Variants in UNC5C observed in about 807,000 individuals in gnomAD.
UNC5C encodes netrin receptor UNC5C.
Under a neutral mutation model 99.8 loss-of-function variants are expected in UNC5C, and 47 were observed. The ratio of observed to expected loss-of-function variants is 0.47; its 90% confidence interval spans 0.37 to 0.60. The LOEUF is 0.60. UNC5C is among the 20% of genes least tolerant of loss of function. The pLI is 0.00. For missense variants in UNC5C, 1,062 were observed against 1,165.9 expected, an observed-to-expected ratio of 0.91 and a Z score of 1.30; for synonymous variants, 487 against 452.2, an observed-to-expected ratio of 1.08 and a Z score of -0.98.
intron 3 of UNC5C, among the ~76,000 whole-genome samples, chr4:95,282,394 G>A (rs909911515): frequency 5.1e-4 from 78 of 152,264 alleles, no homozygotes; most frequent in African/African-American, 1.8e-3. Flanking sequence ...CAGGAAGTGG[G>A]GAAATGACCA....
At position 95,548,941 on chromosome 4, in the gene UNC5C, T is replaced by A; in HGVS notation, c.-84A>T. ...AAAGCCCCACTGGGCAGAAGCTGAA[T>A]CCGTGCACCGCGAAGCAGTCCGAAG... On this transcript the variant is annotated 5_prime_UTR_variant, in exon 1 of 16. Coordinates refer to ENST00000453304, the MANE Select transcript of UNC5C (RefSeq NM_003728.4). 6.5e-7 allele frequency: 1 copy of A among 1,543,354 alleles called. No individual in the cohort carries two copies. Among genetic ancestry groups the A allele is most frequent in the African/African-American group, 1.4e-5 (1 of 73,758 alleles).
At chr4:95,490,780 A>C (rs184297690) in intron 1 of UNC5C, among the ~76,000 whole-genome samples, 14 of 151,914 alleles carry the variant, frequency 9.2e-5, no homozygotes, top group Admixed American at 2.0e-4. Flanking sequence ...ACAGTAAAGT[A>C]CTTTAAAAGG....
At chr4:95,196,831 T>C (rs1294258607) in intron 12 of UNC5C, among the ~76,000 whole-genome samples, 3 of 15,504 alleles carry the variant, frequency 1.9e-4, no homozygotes, top group African/African-American at 7.4e-4. Flanking sequence ...TTATATATTA[T>C]ATTTATGTAA....
chr4:95,312,918 G>A (rs1365014021), intron 2 of UNC5C, among the ~76,000 whole-genome samples: 1 of 152,158 alleles, frequency 6.6e-6, no homozygotes, highest in Non-Finnish European at 1.5e-5. Flanking sequence ...ATGGCTCTCA[G>A]TATGGTTTTG....
At chr4:95,178,412 G>T (rs187198090) in intron 14 of UNC5C, among the ~76,000 whole-genome samples, 1 of 152,246 alleles carries the variant, frequency 6.6e-6, no homozygotes. Flanking sequence ...ACTCTGCTCT[G>T]TGCACATTGG....
At chr4:95,468,542 GCA>G (rs1484934904) in intron 1 of UNC5C, among the ~76,000 whole-genome samples, 1 of 152,074 alleles carries the variant, frequency 6.6e-6, no homozygotes, top group East Asian at 1.9e-4. Flanking sequence ...CAACATCTGG[GCA>G]CAGTTTTCTC....
intron 1 of UNC5C, among the ~76,000 whole-genome samples, chr4:95,361,928 G>C (rs1007330432): frequency 6.6e-6 from 1 of 151,560 alleles, no homozygotes; most frequent in East Asian, 1.9e-4. Context: ...ACCATGCTAC[G>C]TGACGTATAT....
intron 13 of UNC5C, among the ~76,000 whole-genome samples, chr4:95,184,255 A>C (rs1463488413): frequency 6.6e-6 from 1 of 152,206 alleles, no homozygotes; most frequent in Non-Finnish European, 1.5e-5. Flanking sequence ...GAACTAGACC[A>C]ATGAGAGTGA....
chr4:95,284,097 G>A (rs1055327911), intron 3 of UNC5C, among the ~76,000 whole-genome samples: 3 of 152,070 alleles, frequency 2.0e-5, no homozygotes, highest in African/African-American at 7.2e-5. Context: ...TCATTTTTTG[G>A]GTGGTAGAAT....
intron 1 of UNC5C, among the ~76,000 whole-genome samples, chr4:95,546,999 AG>A (rs2149498255): frequency 6.6e-6 from 1 of 151,326 alleles, no homozygotes; most frequent in South Asian, 2.1e-4. Flanking sequence ...CGAATTCCAC[AG>A]GGAGTCGCGC....
chr4:95,175,013 T>C lies in UNC5C; in HGVS notation c.2452-4681A>G, dbSNP rs1198518052. Reference sequence around the variant, plus strand: ...CATTATGTAATGGCCTTCTTTGTCTTTTTTGATCTTTGTTGGTTTAAAGTC... The same window carrying C: ...CATTATGTAATGGCCTTCTTTGTCTCTTTTGATCTTTGTTGGTTTAAAGTC... On this transcript the variant is annotated intron_variant, in intron 14 of 15. Coordinates refer to ENST00000453304, the MANE Select transcript of UNC5C (RefSeq NM_003728.4). Among the ~76,000 whole-genome samples the C allele has an allele frequency of 2.0e-3, 297 of 151,716 alleles. 1 individual carries two copies. The highest frequency in any genetic ancestry group is 6.9e-3 in the African/African-American group (286 of 41,344).
At chr4:95,486,028 T>A (rs2149479716) in intron 1 of UNC5C, among the ~76,000 whole-genome samples, 1 of 151,866 alleles carries the variant, frequency 6.6e-6, no homozygotes, top group Admixed American at 6.6e-5. Flanking sequence ...TTCTGAAAAA[T>A]ATTAGGTTAC....
intron 1 of UNC5C, among the ~76,000 whole-genome samples, chr4:95,345,775 A>T (rs1488309259): frequency 6.6e-6 from 1 of 152,050 alleles, no homozygotes; most frequent in Non-Finnish European, 1.5e-5. Context: ...TGAAGAAATT[A>T]AAAAGTAAAT....
chr4:95,215,840 A>G (rs1738228390), intron 10 of UNC5C, among the ~76,000 whole-genome samples: 1 of 152,162 alleles, frequency 6.6e-6, no homozygotes, highest in South Asian at 2.1e-4. Flanking sequence ...TCTCTGGACA[A>G]TCTAGGGATC....
intron 1 of UNC5C, among the ~76,000 whole-genome samples, chr4:95,394,686 T>C (rs1282983894): frequency 6.9e-6 from 1 of 144,632 alleles, no homozygotes. Flanking sequence ...CTTTTCTCAT[T>C]GGTCATTGCC....
chr4:95,232,542 G>A (rs944540692), intron 7 of UNC5C, among the ~76,000 whole-genome samples: 6 of 152,072 alleles, frequency 3.9e-5, no homozygotes, highest in Non-Finnish European at 5.9e-5. Context: ...CCGTGATCTC[G>A]AAGGAGCCCA....
rs539365244 is a variant in UNC5C, at chr4:95,340,069, T to C, written c.125-4438A>G. Among the ~76,000 whole-genome samples, 4 of 152,202 alleles carry C rather than the reference T, an allele frequency of 2.6e-5. No individual in the cohort carries two copies. In the South Asian group the frequency reaches 8.3e-4, roughly 32 times the overall value. On this transcript the variant is annotated intron_variant, in intron 1 of 15. Transcript: ENST00000453304. ...ACATAGGCTTTTGCTGTTTCATTTA[T>C]ACCCAAGAAGAGAAAGCTTTTCACC...
At chr4:95,275,735 C>T (rs759084058) in intron 4 of UNC5C, among the ~76,000 whole-genome samples, 3 of 152,196 alleles carry the variant, frequency 2.0e-5, no homozygotes, top group Admixed American at 6.5e-5. Context: ...TGCTTCCTGA[C>T]ATTCTGCAAA....
chr4:95,460,628 G>T (rs1451402443), intron 1 of UNC5C, among the ~76,000 whole-genome samples: 1 of 152,126 alleles, frequency 6.6e-6, no homozygotes, highest in East Asian at 1.9e-4. Context: ...TGCCACGATT[G>T]TGAGGCGTCC....
Sources: allele counts gnomAD v4.1 joint callset (sites outside exome capture counted in the v4.1 genomes callset), GRCh38; gene constraint gnomAD v4.1.1; transcripts MANE v1.5; gene names NCBI Gene and HGNC (gene_info 2026-07-23, HGNC 2026-07-21).